DNHD1: variants seen among roughly 807,000 people sequenced by gnomAD.
DNHD1 encodes dynein heavy chain domain 1, also known as dynein heavy chain domain-containing protein 1.
In DNHD1, 383 loss-of-function variants were observed where a neutral mutation model predicts 458.1. That is an observed-to-expected ratio of 0.84 (90% confidence interval 0.77 to 0.91). The LOEUF (loss-of-function observed/expected upper bound fraction) is 0.91, where lower values mean the gene tolerates loss of function less well. DNHD1 is among the 40% of genes least tolerant of loss of function. The pLI is 0.00. For synonymous variants in DNHD1, 2,203 were observed against 2,376.9 expected (o/e 0.93, Z 2.13); for missense variants, 5,336 against 5,866.1 (o/e 0.91, Z 2.95).
At position 6,550,359 on chromosome 11, in the gene DNHD1, T is replaced by C. The variant is rs192869594; in HGVS notation, c.7387+1426T>C. ...TGAATTTGCACAAAATTAGAGACAA[T>C]AGAAGGAGTAAAGAGTGGTACAGTC... On this transcript the variant is annotated intron_variant, in intron 24 of 42. Coordinates refer to ENST00000254579, the MANE Select transcript of DNHD1 (RefSeq NM_144666.3). Among the ~76,000 whole-genome samples the C allele has an allele frequency of 5.3e-5, 8 of 152,230 alleles. No individual in the cohort carries two copies. In the East Asian group the frequency reaches 5.8e-4, roughly 11 times the overall value.
At chr11:6,517,511 T>A (rs1852501144) in intron 7 of DNHD1, among the ~76,000 whole-genome samples, 1 of 152,156 alleles carries the variant, frequency 6.6e-6, no homozygotes, top group South Asian at 2.1e-4. Flanking sequence ...GTGATATTAA[T>A]ACATATATAC....
At chr11:6,542,695 A>T (rs1853122312) in intron 18 of DNHD1, among the ~76,000 whole-genome samples, 1 of 152,222 alleles carries the variant, frequency 6.6e-6, no homozygotes, top group East Asian at 1.9e-4. Flanking sequence ...GACTTGTTAT[A>T]TATTTAATTC....
At chr11:6,501,756 G>A (rs187033220) in intron 3 of DNHD1, among the ~76,000 whole-genome samples, 25 of 152,270 alleles carry the variant, frequency 1.6e-4, no homozygotes, top group East Asian at 7.7e-4. Context: ...CCAGGAACCC[G>A]TAGAGGAGCA....
intron 32 of DNHD1, 134 bp from the exon 33 acceptor site, chr11:6,565,561 G>A: frequency 1.1e-6 from 1 of 940,512 alleles, no homozygotes; most frequent in Non-Finnish European, 1.6e-6. Context: ...TTGAGTCATA[G>A]AGAGCTTAAG....
chr11:6,514,540 TCTCCCTCCCTCTCTTCCTCC>T (rs1376411684), intron 7 of DNHD1, among the ~76,000 whole-genome samples: 5 of 149,454 alleles, frequency 3.3e-5, no homozygotes, highest in Admixed American at 2.7e-4. Flanking sequence ...TCCCTTTTTC[TCTCCCTCCCTCTCTTCCTCC>T]CTCCCTCCCT....
At position 6,518,217 on chromosome 11, in the gene DNHD1, C is replaced by T. The variant is rs544938397; in HGVS notation, c.1393-1383C>T. Reference sequence around the variant, plus strand: ...GGGACTACAGCAGTTGATACCGCCACGCCTGGCTAATTTTTTGTATTTTTT... The same window carrying T: ...GGGACTACAGCAGTTGATACCGCCATGCCTGGCTAATTTTTTGTATTTTTT... On this transcript the variant is annotated intron_variant, in intron 7 of 42. Coordinates refer to ENST00000254579, the MANE Select transcript of DNHD1 (RefSeq NM_144666.3). 6.6e-5 allele frequency among the ~76,000 whole-genome samples: 10 copies of T among 152,274 alleles called. No individual in the cohort carries two copies. In the East Asian group the frequency reaches 1.2e-3, roughly 18 times the overall value.
chr11:6,537,744 A>T (rs1203030415), intron 14 of DNHD1, among the ~76,000 whole-genome samples: 4 of 152,182 alleles, frequency 2.6e-5, no homozygotes, highest in African/African-American at 9.7e-5. Flanking sequence ...AAGCCTGGCC[A>T]ACATAGTGAA....
In DNHD1 at chr11:6,565,794, A is replaced by C. The variant is rs752190736; in HGVS notation, c.10856A>C (p.Lys3619Thr). 2.6e-6 allele frequency: 4 copies of C among 1,551,734 alleles called. No homozygotes were observed. Among genetic ancestry groups the C allele is most frequent in the Non-Finnish European group, 2.6e-6 (3 of 1,146,998 alleles). Reference protein sequence around the residue: ...EESNEAEDQTKEQKAEERKNE... With the variant: ...EESNEAEDQTTEQKAEERKNE... ...AGTAATGAGGCTGAGGACCAGACAA[A>C]AGAGCAGAAGGCAGAGGAAAGAAAA... Residue 3619 changes from lysine (K) to threonine (T), a missense_variant, in exon 33 of 43, where the codon AAA (lysine) becomes ACA (threonine). Physicochemically the swap from Lys to Thr is moderately conservative, Grantham distance 78. Coordinates refer to ENST00000254579, the MANE Select transcript of DNHD1 (RefSeq NM_144666.3).
intron 24 of DNHD1, among the ~76,000 whole-genome samples, chr11:6,552,467 C>T (rs973976615): frequency 5.3e-5 from 8 of 151,854 alleles, no homozygotes; most frequent in Non-Finnish European, 5.9e-5. Flanking sequence ...GAGGTTGCAA[C>T]GAGCCAGGAT....
chr11:6,557,383 TGAGGAG>T lies in DNHD1; in HGVS notation c.8104_8109del (p.Glu2702_Glu2703del), dbSNP rs550093250. 9.9e-5 allele frequency: 153 copies of T among 1,543,602 alleles called. No homozygotes were observed. Among genetic ancestry groups the T allele is most frequent in the Non-Finnish European group, 1.2e-4 (142 of 1,143,172 alleles). On this transcript the variant is annotated inframe_deletion, in exon 25 of 43. Transcript: ENST00000254579. ...ACCTGGGCAAGGACCATCAGGAGAG[TGAGGAG>T]GAGGAGGAGGAGGAGAGGGTGCCCG...
At position 6,571,150 on chromosome 11, in the gene DNHD1, G is replaced by A. The variant is rs1853840138; in HGVS notation, c.13638G>A (p.Gln4546=). Residue 4546 remains glutamine, a synonymous_variant, in exon 42 of 43, where the codon CAG becomes CAA. Transcript: ENST00000254579. This position sits in a 1 kb window ranked among gnomAD's most constrained non-coding sequence, Gnocchi z 5.0. ...PWRPHAPAGP[Q]PPWHWLRQLS... ...GACCTCATGCGCCGGCCGGTCCGCA[G>A]CCGCCCTGGCACTGGCTGCGACAGT... 2.5e-6 allele frequency: 4 copies of A among 1,602,530 alleles called. No homozygotes were observed. Among genetic ancestry groups the A allele is most frequent in the Non-Finnish European group, 3.4e-6 (4 of 1,175,702 alleles).
At chr11:6,558,433 G>A (rs969539433) in intron 25 of DNHD1, 52 bp from the exon 26 acceptor site, 4 of 1,545,916 alleles carry the variant, frequency 2.6e-6, no homozygotes, top group African/African-American at 1.4e-5. Flanking sequence ...CTGGGGCCAG[G>A]AGGGGCAAGC....
Position 6,564,100 on chromosome 11 carries a change from G to A in DNHD1, c.10260G>A (p.Met3420Ile). The stretch of plus-strand genomic sequence containing the variant: ...TGAAGGCTGCACTGCTCACGCCTAT[G>A]CGTGCCTGGACTACACAGCTCCAGG... ...WPMKAALLTP[M>I]RAWTTQLQKL... is the part of the protein sequence containing the mutation. The change falls in exon 31 of 43, where the codon ATG becomes ATA. Residue 3420 changes from methionine to isoleucine, a missense_variant. Physicochemically the swap from Met to Ile is conservative, Grantham distance 10. Around this residue, in one of 4 missense-constraint regions of DNHD1, gnomAD observed 3,932 missense variants for 4,365.6 expected, o/e 0.90. Coordinates refer to ENST00000254579, the MANE Select transcript of DNHD1 (RefSeq NM_144666.3). 3.9e-6 allele frequency: 6 copies of A among 1,551,352 alleles called. No homozygotes were observed. The highest frequency in any genetic ancestry group is 5.2e-6 in the Non-Finnish European group (6 of 1,146,882).
chr11:6,512,509 A>G lies in DNHD1; in HGVS notation c.1392+1080A>G, dbSNP rs578194077. ...AGTGCTGGGATTACAGGTGTGAACC[A>G]CCGCGCCTGGCCGACTGCAAGGAAT... On this transcript the variant is annotated intron_variant, in intron 7 of 42. Coordinates refer to ENST00000254579, the MANE Select transcript of DNHD1 (RefSeq NM_144666.3). 5.9e-5 allele frequency among the ~76,000 whole-genome samples: 9 copies of G among 152,052 alleles called. No individual in the cohort carries two copies. In the South Asian group the frequency reaches 8.3e-4, roughly 14 times the overall value.
In DNHD1 at chr11:6,545,517, T is replaced by C; in HGVS notation, c.4578T>C (p.Ala1526=). The C allele has an allele frequency of 6.4e-7, 1 of 1,551,718 alleles. No individual in the cohort carries two copies. Among genetic ancestry groups the C allele is most frequent in the South Asian group, 1.2e-5 (1 of 84,064 alleles). The change falls in exon 21 of 43, where the codon GCT becomes GCC. Residue 1526 remains alanine (A), a synonymous_variant. Transcript: ENST00000254579. This position sits in a 1 kb window ranked among gnomAD's most constrained non-coding sequence, Gnocchi z 4.9. ...EVVWRAEMEE[A]LLEWGTLAMV... ...TATGGCGGGCCGAGATGGAGGAGGC[T>C]CTGCTTGAGTGGGGTACCCTGGCCA...
intron 6 of DNHD1, 144 bp from the exon 7 acceptor site, chr11:6,511,129 G>A: frequency 9.1e-7 from 1 of 1,101,992 alleles, no homozygotes; most frequent in South Asian, 1.6e-5. Context: ...TCGAGAGGGA[G>A]CTGTCACTAT....
chr11:6,499,788 G>T (rs1428884497), intron 3 of DNHD1, among the ~76,000 whole-genome samples: 8 of 151,844 alleles, frequency 5.3e-5, no homozygotes, highest in African/African-American at 1.9e-4. Flanking sequence ...GGCTGGTCTC[G>T]AATTCCTGAC....
chr11:6,508,543 T>A (rs1418727275), intron 4 of DNHD1: 2 of 208,572 alleles, frequency 9.6e-6, no homozygotes, highest in Non-Finnish European at 1.9e-5. Context: ...TTAGAAGCAT[T>A]TTTATCTTAG....
rs1270474437 is a variant in DNHD1 at position 6,547,021 on chromosome 11, A to G, written c.6082A>G (p.Ile2028Val). The G allele has an allele frequency of 1.4e-5, 21 of 1,551,668 alleles. No homozygotes were observed. Among genetic ancestry groups the G allele is most frequent in the Admixed American group, 9.8e-5 (5 of 50,988 alleles). ...TSTQGCQPVEITHLYPSGLSP... is the reference protein window; with the variant it reads ...TSTQGCQPVEVTHLYPSGLSP... The stretch of plus-strand genomic sequence containing the variant: ...AACCCAAGGCTGCCAGCCTGTGGAA[A>G]TTACCCACCTGTACCCCAGTGGCCT... Residue 2028 changes from isoleucine to valine, a missense_variant, in exon 21 of 43, where the codon ATT (isoleucine) becomes GTT (valine). Coordinates refer to ENST00000254579, the MANE Select transcript of DNHD1 (RefSeq NM_144666.3).
Sources: allele counts gnomAD v4.1 joint callset (sites outside exome capture counted in the v4.1 genomes callset), GRCh38; gene constraint gnomAD v4.1.1; regional missense constraint gnomAD v4.1.1; non-coding constraint Gnocchi (gnomAD v3.1); transcripts MANE v1.5; gene names NCBI Gene and HGNC (gene_info 2026-07-23, HGNC 2026-07-21).